TCF4: variants seen among roughly 807,000 people sequenced by gnomAD.
TCF4 encodes the protein transcription factor 4.
In TCF4, 3 loss-of-function variants were observed where a neutral mutation model predicts 82.1. The ratio of observed to expected loss-of-function variants is 0.04; its 90% CI spans 0.02 to 0.09. The LOEUF is 0.09. Among genes scored for constraint, TCF4 ranks in the 10% least tolerant of loss-of-function variants. The pLI is 1.00. For missense variants in TCF4, 518 were observed against 852.7 expected (o/e 0.61, Z 4.89); for synonymous variants, 276 against 309.6 (o/e 0.89, Z 1.14).
At chr18:55,450,125 G>A (rs2144314107) in intron 5 of TCF4, among the ~76,000 whole-genome samples, 1 of 152,310 alleles carries the variant, frequency 6.6e-6, no homozygotes, top group South Asian at 2.1e-4. Flanking sequence ...CACAGAACTG[G>A]AGAGTGGTGA....
At chr18:55,385,105 T>C (rs1346621320) in intron 6 of TCF4, among the ~76,000 whole-genome samples, 2 of 151,954 alleles carry the variant, frequency 1.3e-5, no homozygotes, top group Middle Eastern at 3.4e-3. Flanking sequence ...GAGCAGCTGA[T>C]TGGAAGTAGA....
chr18:55,399,880 TCACACACACACACACACACACACACA>T (rs398041380), intron 6 of TCF4, among the ~76,000 whole-genome samples: 1 of 63,436 alleles, frequency 1.6e-5, no homozygotes, highest in Non-Finnish European at 2.9e-5. Context: ...TCTCTCTCTC[TCACACACACACACACACACACACACA>T]CACACACACA....
chr18:55,588,235 T>G, upstream of TCF4: 1 of 1,372,278 alleles, frequency 7.3e-7, no homozygotes, highest in Non-Finnish European at 9.4e-7. Context: ...CCAACTCTCT[T>G]CTCCGGGGAG....
At chr18:55,634,541 T>C (rs1037195239) in intron 1 of TCF4, among the ~76,000 whole-genome samples, 3 of 152,034 alleles carry the variant, frequency 2.0e-5, no homozygotes, top group Admixed American at 6.6e-5. Flanking sequence ...TCCCATCTAG[T>C]GTGGAGGAAT....
At chr18:55,354,397 C>T (rs548037780) in intron 6 of TCF4, among the ~76,000 whole-genome samples, 25 of 152,300 alleles carry the variant, frequency 1.6e-4, no homozygotes, top group Middle Eastern at 3.4e-3. Context: ...GTCTTTCGAA[C>T]ACATTCTCAA....
intron 6 of TCF4, among the ~76,000 whole-genome samples, chr18:55,377,339 T>C (rs1048628944): frequency 3.3e-5 from 5 of 152,166 alleles, no homozygotes; most frequent in African/African-American, 4.8e-5. Context: ...TACATCTCCC[T>C]TTACCTTATA....
In TCF4 at chr18:55,227,045, T is replaced by A. The variant is rs545731941; in HGVS notation, c.*990A>T. On this transcript the variant is annotated 3_prime_UTR_variant, in exon 20 of 20. Coordinates refer to ENST00000354452, the MANE Select transcript of TCF4 (RefSeq NM_001083962.2). ...ATTCAGACAAACTCTTTTTGCCATG[T>A]CTTGGTAATGCTGCTTGTAATATCT... is the stretch of plus-strand genomic sequence containing the variant. The A allele has an allele frequency of 3.3e-5, 5 of 152,718 alleles. No homozygotes were observed. The highest frequency in any genetic ancestry group is 1.2e-4 in the African/African-American group (5 of 41,560). 9.5% of individuals were successfully genotyped at this position (152,718 alleles called of 1,614,324 possible). A position where few individuals can be genotyped will look rare whatever the true frequency, so the allele number is the denominator to read the frequency against.
chr18:55,601,512 G>A (rs943151329), intron 2 of TCF4, among the ~76,000 whole-genome samples: 3 of 152,160 alleles, frequency 2.0e-5, no homozygotes, highest in East Asian at 1.9e-4. Flanking sequence ...AGCTGGGTGC[G>A]GTGGCTCACG....
At chr18:55,359,512 C>T (rs956632743) in intron 6 of TCF4, among the ~76,000 whole-genome samples, 8 of 152,174 alleles carry the variant, frequency 5.3e-5, no homozygotes, top group African/African-American at 1.9e-4. Context: ...GGCCCCGGTA[C>T]ACAGTATGCC....
chr18:55,490,487 T>A (rs894706742), intron 3 of TCF4, among the ~76,000 whole-genome samples: 5 of 152,170 alleles, frequency 3.3e-5, no homozygotes, highest in African/African-American at 4.8e-5. Flanking sequence ...ATTACTGATG[T>A]ACTATACTTA....
intron 6 of TCF4, among the ~76,000 whole-genome samples, chr18:55,359,433 A>G (rs556918804): frequency 6.0e-4 from 91 of 152,036 alleles, no homozygotes; most frequent in African/African-American, 2.1e-3. Context: ...CTCCTTTCTA[A>G]TCTGTGGGAT....
intron 5 of TCF4, among the ~76,000 whole-genome samples, chr18:55,442,131 A>C (rs2095448563): frequency 6.6e-6 from 1 of 152,230 alleles, no homozygotes; most frequent in South Asian, 2.1e-4. Context: ...ACAAGCTTAC[A>C]CTTTAAACAA....
rs183480056 is a variant in TCF4 at position 55,415,020 on chromosome 18, A to T, written c.305-11502T>A. 3.0e-4 allele frequency among the ~76,000 whole-genome samples: 45 copies of T among 152,342 alleles called. 1 individual carries two copies. The highest frequency in any genetic ancestry group is 6.8e-3 in the Middle Eastern group (2 of 294). ...CTAGGGATTACCTACCACATCCATT[A>T]CAGACAAATAATCATATTTCAAAAT... On this transcript the variant is annotated intron_variant, in intron 5 of 19. Coordinates refer to ENST00000354452, the MANE Select transcript of TCF4 (RefSeq NM_001083962.2).
rs10652622 is a variant in TCF4, at chr18:55,301,788, T to TAAAAA, written c.550-22137_550-22133dup. Among the ~76,000 whole-genome samples, 175 of 56,286 alleles carry TAAAAA rather than the reference T, an allele frequency of 3.1e-3. 5 individuals are homozygous for TAAAAA. Among genetic ancestry groups the TAAAAA allele is most frequent in the African/African-American group, 8.2e-3 (102 of 12,508 alleles). The allele number at this position is 56,286 out of a possible 152,430, so 36.9% of individuals were successfully genotyped here. ...TCTAGTGAGCTAACACCAAAAACTGTAAAAAAAAAAAAAAAAAAAAAAAAG... is the reference window on the plus strand; with the variant it reads ...TCTAGTGAGCTAACACCAAAAACTGTAAAAAAAAAAAAAAAAAAAAAAAAAAAAAG... On this transcript the variant is annotated intron_variant, in intron 8 of 19. Coordinates refer to ENST00000354452, the MANE Select transcript of TCF4 (RefSeq NM_001083962.2).
At chr18:55,504,680 C>A (rs953148227) in intron 3 of TCF4, among the ~76,000 whole-genome samples, 2 of 152,152 alleles carry the variant, frequency 1.3e-5, no homozygotes, top group Non-Finnish European at 2.9e-5. Flanking sequence ...AGAGCTATAA[C>A]ATTCTCGCTC....
At chr18:55,298,021 A>G (rs2067047309) in intron 8 of TCF4, among the ~76,000 whole-genome samples, 1 of 152,192 alleles carries the variant, frequency 6.6e-6, no homozygotes, top group Admixed American at 6.5e-5. Flanking sequence ...ATAGTAGTGG[A>G]CAGTCTTTTT....
intron 5 of TCF4, among the ~76,000 whole-genome samples, chr18:55,415,543 C>A (rs1234360326): frequency 1.3e-5 from 2 of 152,208 alleles, no homozygotes; most frequent in Non-Finnish European, 2.9e-5. Context: ...CTCACCAAAT[C>A]TGTATGGGGG....
At chr18:55,351,326 C>T (rs977951142) in intron 6 of TCF4, 1 of 294,750 alleles carries the variant, frequency 3.4e-6, no homozygotes, top group African/African-American at 2.3e-5. Context: ...TTTCTCTAGA[C>T]TGAGGCTCAT....
chr18:55,321,386 C>A, intron 8 of TCF4: 1 of 460,106 alleles, frequency 2.2e-6, no homozygotes, highest in South Asian at 3.4e-5. Context: ...CATACCACCT[C>A]TCAACTTTAC....
Sources: gnomAD v4.1 joint callset for allele counts (sites outside exome capture counted in the v4.1 genomes callset) on GRCh38, gnomAD v4.1.1 for gene constraint, MANE v1.5 for transcripts, NCBI Gene and HGNC (gene_info 2026-07-23, HGNC 2026-07-21) for gene names.